Variants in NAV3 observed in about 807,000 individuals in gnomAD.
NAV3 encodes the protein pore membrane and/or filament interacting like protein 1.
A neutral mutation model predicts 244.7 loss-of-function variants in NAV3; 87 were observed. The observed-to-expected ratio is 0.36, with a 90% CI of 0.30 to 0.42. The LOEUF is 0.42. NAV3 is among the 20% of genes least tolerant of loss of function. The probability of loss-of-function intolerance (pLI) is 1.00; values close to 1 mark genes in which losing one functional copy is unlikely to be tolerated. For synonymous variants in NAV3, 1,126 were observed against 1,042.2 expected, an observed-to-expected ratio of 1.08 and a Z score of -1.55; for missense variants, 2,663 against 2,893.3, an observed-to-expected ratio of 0.92 and a Z score of 1.83.
At chr12:78,197,189 T>G in intron 34 of NAV3, 58 bp from the exon 35 acceptor site, 1 of 1,315,108 alleles carries the variant, frequency 7.6e-7, no homozygotes, top group East Asian at 2.7e-5. Flanking sequence ...AAATATTAAC[T>G]GCTTCCTATT....
intron 2 of NAV3, among the ~76,000 whole-genome samples, chr12:77,815,130 C>T (rs565065774): frequency 6.6e-6 from 1 of 152,302 alleles, no homozygotes; most frequent in South Asian, 2.1e-4. Context: ...AGACATTCTT[C>T]ATTATTCCCC....
chr12:77,807,841 A>G (rs1292192167), intron 2 of NAV3, among the ~76,000 whole-genome samples: 1 of 152,124 alleles, frequency 6.6e-6, no homozygotes, highest in Admixed American at 6.5e-5. Flanking sequence ...CTTTTCACAT[A>G]GTCCCATATT....
chr12:77,600,649 C>T (rs1225559559), intron 2 of NAV3, among the ~76,000 whole-genome samples: 3 of 151,834 alleles, frequency 2.0e-5, no homozygotes, highest in Non-Finnish European at 4.4e-5. Flanking sequence ...GAGTGTGTCT[C>T]GCAAGGATCT....
At chr12:77,657,060 A>G (rs1188333729) in intron 2 of NAV3, among the ~76,000 whole-genome samples, 1 of 152,218 alleles carries the variant, frequency 6.6e-6, no homozygotes, top group Admixed American at 6.5e-5. Flanking sequence ...TAGAAAAGCA[A>G]GAGCAAACAC....
chr12:77,754,547 T>G (rs183050470), intron 2 of NAV3, among the ~76,000 whole-genome samples: 18 of 152,292 alleles, frequency 1.2e-4, no homozygotes, highest in African/African-American at 4.3e-4. Context: ...AGCCCAGAAT[T>G]TGAGTTTAGT....
chr12:78,051,255 A>G, intron 11 of NAV3, 108 bp downstream of exon 11: 1 of 1,259,578 alleles, frequency 7.9e-7, no homozygotes, highest in Non-Finnish European at 1.1e-6. Flanking sequence ...TCATGAGAAC[A>G]TATGAGATAT....
At chr12:78,193,862 C>A (rs1159605335) in intron 34 of NAV3, among the ~76,000 whole-genome samples, 1 of 152,062 alleles carries the variant, frequency 6.6e-6, no homozygotes, top group Non-Finnish European at 1.5e-5. Context: ...GACCCAGTGA[C>A]CTGCTAATTA....
At chr12:77,862,449 A>G (rs1323741932) in intron 1 of NAV3, among the ~76,000 whole-genome samples, 1 of 151,690 alleles carries the variant, frequency 6.6e-6, no homozygotes. Flanking sequence ...GGAAAGTTGG[A>G]GGATCATCTA....
intron 3 of NAV3, among the ~76,000 whole-genome samples, chr12:77,949,606 C>T (rs1346896975): frequency 1.3e-5 from 2 of 151,634 alleles, no homozygotes; most frequent in Non-Finnish European, 2.9e-5. Context: ...TCCTATCTAC[C>T]CCTTTCCCTC....
intron 9 of NAV3, among the ~76,000 whole-genome samples, chr12:78,030,766 C>A (rs1392575186): frequency 6.6e-6 from 1 of 152,138 alleles, no homozygotes; most frequent in Admixed American, 6.5e-5. Flanking sequence ...ATGGAAACAA[C>A]TAACTTAGCT....
At chr12:78,103,888 G>T (rs541297490) in intron 12 of NAV3, among the ~76,000 whole-genome samples, 2 of 152,160 alleles carry the variant, frequency 1.3e-5, no homozygotes, top group African/African-American at 2.4e-5. Context: ...GATGAGATTT[G>T]GGTAGGGACA....
intron 2 of NAV3, among the ~76,000 whole-genome samples, chr12:77,814,753 T>A (rs1314950242): frequency 6.6e-6 from 1 of 152,154 alleles, no homozygotes; most frequent in Non-Finnish European, 1.5e-5. Flanking sequence ...ATGTGCCAAC[T>A]TTAAACCAAG....
intron 12 of NAV3, among the ~76,000 whole-genome samples, chr12:78,073,806 G>T (rs1952907255): frequency 6.6e-6 from 1 of 152,112 alleles, no homozygotes; most frequent in African/African-American, 2.4e-5. Context: ...CAAGGCTACA[G>T]TAACCAAAAC....
chr12:78,117,905 G>A (rs1955490996), intron 13 of NAV3, 122 bp from the exon 14 acceptor site: 1 of 961,160 alleles, frequency 1.0e-6, no homozygotes, highest in Non-Finnish European at 1.4e-6. Context: ...AAATGTAAGT[G>A]AAGGTAAATC....
At chr12:78,060,672 G>T (rs1262467964) in intron 12 of NAV3, among the ~76,000 whole-genome samples, 1 of 152,118 alleles carries the variant, frequency 6.6e-6, no homozygotes, top group African/African-American at 2.4e-5. Context: ...AGTGGTAAAT[G>T]AGTTCCAGAA....
chr12:77,590,776 T>A (rs544692283), intron 2 of NAV3, among the ~76,000 whole-genome samples: 78 of 152,368 alleles, frequency 5.1e-4, no homozygotes, highest in African/African-American at 1.9e-3. Context: ...ACACAGGTTT[T>A]TATAGTTATT....
At chr12:77,920,076 G>A (rs1887558331) in intron 1 of NAV3, among the ~76,000 whole-genome samples, 1 of 152,014 alleles carries the variant, frequency 6.6e-6, no homozygotes, top group Non-Finnish European at 1.5e-5. Flanking sequence ...TCTAGAGATT[G>A]TTAAGTTTGG....
chr12:77,797,334 T>A (rs1396901317), intron 2 of NAV3, among the ~76,000 whole-genome samples: 6 of 152,034 alleles, frequency 3.9e-5, no homozygotes, highest in Non-Finnish European at 7.4e-5. Context: ...TTCCTAAAAT[T>A]TACTTTCTAC....
chr12:78,113,876 C>A (rs1955232452), intron 12 of NAV3, among the ~76,000 whole-genome samples: 1 of 152,150 alleles, frequency 6.6e-6, no homozygotes, highest in South Asian at 2.1e-4. Flanking sequence ...GCTCTGCTTC[C>A]CTTTTAAAAT....
Sources: gnomAD v4.1 joint callset for allele counts (sites outside exome capture counted in the v4.1 genomes callset) on GRCh38, gnomAD v4.1.1 for gene constraint, MANE v1.5 for transcripts, NCBI Gene and HGNC (gene_info 2026-07-23, HGNC 2026-07-21) for gene names.